Variants in EIF4B observed in about 807,000 individuals in gnomAD.
EIF4B encodes eukaryotic translation initiation factor 4B.
EIF4B carries 8 observed loss-of-function variants against 79.3 expected under a neutral mutation model. That is an observed-to-expected ratio of 0.10 (90% confidence interval 0.06 to 0.18). The LOEUF (loss-of-function observed/expected upper bound fraction) is 0.18, where lower values mean the gene tolerates loss of function less well. Among genes scored for constraint, EIF4B ranks in the 10% least tolerant of loss-of-function variants. EIF4B has a pLI of 1.00. For synonymous variants in EIF4B, 238 were observed against 274.7 expected (o/e 0.87, Z 1.32); for missense variants, 515 against 792.4 (o/e 0.65, Z 4.20).
At chr12:53,010,498 T>C (rs1314151778) in intron 1 of EIF4B, among the ~76,000 whole-genome samples, 1 of 152,194 alleles carries the variant, frequency 6.6e-6, no homozygotes, top group Non-Finnish European at 1.5e-5. Context: ...TTGTATTACA[T>C]TGCATGAAAT....
intron 9 of EIF4B, 91 bp downstream of exon 9, chr12:53,034,125 G>A (rs534681444): frequency 2.3e-5 from 30 of 1,309,782 alleles, no homozygotes; most frequent in Middle Eastern, 1.9e-4. Context: ...AATTTGTGTC[G>A]TTATCACATT....
intron 9 of EIF4B, 29 bp from the exon 10 acceptor site, chr12:53,034,583 A>G (rs761894728): frequency 1.9e-6 from 3 of 1,612,734 alleles, no homozygotes; most frequent in Non-Finnish European, 2.5e-6. Flanking sequence ...AGCCAGGCAT[A>G]ATGTGTATTT....
intron 1 of EIF4B, among the ~76,000 whole-genome samples, chr12:53,007,466 A>C (rs568392701): frequency 9.3e-4 from 118 of 127,176 alleles, no homozygotes; most frequent in Non-Finnish European, 1.4e-3. Flanking sequence ...CTGTGCAACT[A>C]CCAGCAGGTA....
chr12:53,010,014 T>A (rs187844381), intron 1 of EIF4B, among the ~76,000 whole-genome samples: 9 of 152,364 alleles, frequency 5.9e-5, no homozygotes, highest in African/African-American at 2.2e-4. Flanking sequence ...TTCTTAAATT[T>A]GTAGTAGATA....
intron 8 of EIF4B, among the ~76,000 whole-genome samples, chr12:53,028,392 G>T (rs1460119800): frequency 6.6e-6 from 1 of 151,950 alleles, no homozygotes; most frequent in Non-Finnish European, 1.5e-5. Context: ...CCTGGCTAAT[G>T]GTGAAACCCC....
rs144117670 is a variant in EIF4B, at chr12:53,013,256, G to A, written c.14-3217G>A. Among the ~76,000 whole-genome samples the A allele has an allele frequency of 2.5e-3, 387 of 152,248 alleles. 3 individuals carry two copies. Among genetic ancestry groups the A allele is most frequent in the African/African-American group, 9.0e-3 (373 of 41,540 alleles). Reference sequence around the variant, plus strand: ...TTCTTTTGTTGAACTTGACCTTATTGTACTGACCACCAGTTCTGTTTTTAT... The same window carrying A: ...TTCTTTTGTTGAACTTGACCTTATTATACTGACCACCAGTTCTGTTTTTAT... On this transcript the variant is annotated intron_variant, in intron 1 of 14. Coordinates refer to ENST00000262056, the MANE Select transcript of EIF4B (RefSeq NM_001417.7).
chr12:53,026,087 G>A (rs1359431116), intron 6 of EIF4B, among the ~76,000 whole-genome samples: 3 of 151,926 alleles, frequency 2.0e-5, no homozygotes, highest in East Asian at 1.9e-4. Flanking sequence ...GCGACAGAGT[G>A]AGACTCCGTC....
intron 3 of EIF4B, 149 bp from the exon 4 acceptor site, chr12:53,019,761 C>T (rs931108452): frequency 3.1e-6 from 2 of 640,096 alleles, no homozygotes; most frequent in South Asian, 1.9e-5. Flanking sequence ...TCTACTATCC[C>T]TCTGCATCAG....
chr12:53,015,332 C>T (rs951102434), intron 1 of EIF4B, among the ~76,000 whole-genome samples: 7 of 152,140 alleles, frequency 4.6e-5, no homozygotes, highest in South Asian at 2.1e-4. Flanking sequence ...TGTAACTTTA[C>T]AGACATCTGG....
chr12:53,028,955 G>A (rs573884981), intron 8 of EIF4B, among the ~76,000 whole-genome samples: 3 of 152,084 alleles, frequency 2.0e-5, no homozygotes, highest in African/African-American at 4.8e-5. Flanking sequence ...GTGAAACCCC[G>A]TCTGTACTAA....
chr12:53,030,430 T>TTTTTTTTTG (rs1485137762), intron 8 of EIF4B, among the ~76,000 whole-genome samples: 1 of 104,972 alleles, frequency 9.5e-6, no homozygotes, highest in Non-Finnish European at 2.0e-5. Flanking sequence ...TTTTTTTTTT[T>TTTTTTTTTG]TTTTTTTTGA....
At position 53,038,537 on chromosome 12, in the gene EIF4B, A is replaced by G. The variant is rs532453050; in HGVS notation, c.1576+126A>G. ...CGTGTTAAGAGTTCTTGGGTTGGCC[A>G]GGCGCAGGGGCTCACACCTGTAATC... On this transcript the variant is annotated intron_variant, in intron 12 of 14. Coordinates refer to ENST00000262056, the MANE Select transcript of EIF4B (RefSeq NM_001417.7). 3.3e-5 allele frequency: 28 copies of G among 845,200 alleles called. No individual in the cohort carries two copies. In the Admixed American group the frequency reaches 4.5e-4, roughly 14 times the overall value. The allele number at this position is 845,200 out of a possible 1,614,324, so 52.4% of individuals were successfully genotyped here. A position where few individuals can be genotyped will look rare whatever the true frequency, so the allele number is the denominator to read the frequency against.
rs1006835202 is a variant in EIF4B, at chr12:53,029,790, AAC to A, written c.979+1606_979+1607del. 3.3e-4 allele frequency among the ~76,000 whole-genome samples: 51 copies of A among 152,302 alleles called. 1 individual carries two copies. Among genetic ancestry groups the A allele is most frequent in the African/African-American group, 1.1e-3 (46 of 41,566 alleles). On this transcript the variant is annotated intron_variant, in intron 8 of 14. Coordinates refer to ENST00000262056, the MANE Select transcript of EIF4B (RefSeq NM_001417.7). ...GAAAATCGATCTGGACAACTAATAA[AAC>A]ACAGTGAGATGACAGAATTCATCAG...
At chr12:53,007,851 T>A (rs773293383) in intron 1 of EIF4B, among the ~76,000 whole-genome samples, 1 of 152,206 alleles carries the variant, frequency 6.6e-6, no homozygotes, top group East Asian at 1.9e-4. Context: ...TTGTGCATGT[T>A]GTCTCCTTCC....
rs761960712 is a variant in EIF4B, at chr12:53,018,806, A to G, written c.160A>G (p.Thr54Ala). 166 of 1,612,478 alleles carry G rather than the reference A, an allele frequency of 1.0e-4. No individual in the cohort carries two copies. The highest frequency in any genetic ancestry group is 1.4e-4 in the Non-Finnish European group (161 of 1,179,868). ...TCATTCCTCTATCCTAGTTTCGACC[A>G]CTTGGCACAGTAACGATGACGATGT... ...TDDLEGDVST[T>A]WHSNDDDVYR... The change falls in exon 3 of 15, where the codon ACT becomes GCT. Residue 54 changes from threonine (T) to alanine (A), a missense_variant. Thr to Ala is a moderately conservative substitution (Grantham distance 58). Transcript: ENST00000262056.
chr12:53,029,695 T>A lies in EIF4B; in HGVS notation c.979+1507T>A, dbSNP rs142554414. 2.3e-3 allele frequency among the ~76,000 whole-genome samples: 348 copies of A among 152,216 alleles called. 3 individuals carry two copies. The highest frequency in any genetic ancestry group is 7.9e-3 in the African/African-American group (329 of 41,546). On this transcript the variant is annotated intron_variant, in intron 8 of 14. Coordinates refer to ENST00000262056, the MANE Select transcript of EIF4B (RefSeq NM_001417.7). The stretch of plus-strand genomic sequence containing the variant: ...GGCCAAATTTTTCCTATCTTTAACA[T>A]CTTTGTGTTAGTCCTAAACTTTGTG...
In EIF4B at chr12:53,041,339, T is replaced by C. The variant is rs1943633550; in HGVS notation, c.*1116T>C. The C allele has an allele frequency of 6.6e-6, 1 of 152,196 alleles. No individual in the cohort carries two copies. Among genetic ancestry groups the C allele is most frequent in the African/African-American group, 2.4e-5 (1 of 41,446 alleles). The allele number at this position is 152,196 out of a possible 1,614,324, so 9.4% of individuals were successfully genotyped here. A position where few individuals can be genotyped will look rare whatever the true frequency, so the allele number is the denominator to read the frequency against. On this transcript the variant is annotated 3_prime_UTR_variant, in exon 15 of 15. Coordinates refer to ENST00000262056, the MANE Select transcript of EIF4B (RefSeq NM_001417.7). Reference sequence around the variant, plus strand: ...TTTTATTGATCAGAGTGCTCTAGAATAATGGATGGTCTTGGATGATGGATA... The same window carrying C: ...TTTTATTGATCAGAGTGCTCTAGAACAATGGATGGTCTTGGATGATGGATA...
At chr12:53,021,899 C>T in intron 5 of EIF4B, 39 bp downstream of exon 5, 2 of 1,612,698 alleles carry the variant, frequency 1.2e-6, no homozygotes, top group Non-Finnish European at 1.7e-6. Flanking sequence ...GGTAATGGTC[C>T]CAGGATGACA....
rs56017954 is a variant in EIF4B at position 53,007,420 on chromosome 12, CTTTTTTTTTTTT to C, written c.13+941_13+952del. 1.4e-4 allele frequency among the ~76,000 whole-genome samples: 13 copies of C among 92,248 alleles called. 1 individual carries two copies. The highest frequency in any genetic ancestry group is 5.1e-4 in the African/African-American group (10 of 19,654). 60.5% of individuals were successfully genotyped at this position (92,248 alleles called of 152,430 possible). On this transcript the variant is annotated intron_variant, in intron 1 of 14. Coordinates refer to ENST00000262056, the MANE Select transcript of EIF4B (RefSeq NM_001417.7). ...GATAGCTCCAATGGTAGATTTCAGC[CTTTTTTTTTTTT>C]TTTTTTTTTTTTTTTTAAGGTAACT...
Sources: allele counts gnomAD v4.1 joint callset (sites outside exome capture counted in the v4.1 genomes callset), GRCh38; gene constraint gnomAD v4.1.1; transcripts MANE v1.5; gene names NCBI Gene and HGNC (gene_info 2026-07-23, HGNC 2026-07-21).